The following BOC variants were observed in gnomAD, a reference collection of about 807,000 sequenced individuals.
The protein encoded by BOC is BOC cell adhesion associated, oncogene regulated.
BOC carries 76 observed loss-of-function variants against 112.0 expected under a neutral mutation model. The ratio of observed to expected loss-of-function variants is 0.68; its 90% CI spans 0.56 to 0.82. The LOEUF (loss-of-function observed/expected upper bound fraction) is 0.82. Among genes scored for constraint, BOC ranks in the 40% least tolerant of loss-of-function variants. The probability of loss-of-function intolerance (pLI) is 0.00; values close to 1 mark genes in which losing one functional copy is unlikely to be tolerated. For missense variants in BOC, 1,309 were observed against 1,511.7 expected (o/e 0.87, Z 2.22); for synonymous variants, 580 against 599.8 (o/e 0.97, Z 0.48).
At position 113,285,393 on chromosome 3, in the gene BOC, C is replaced by T. The variant is rs34600669; in HGVS notation, c.2988C>T (p.Asp996=). 0.038 allele frequency: 61,486 copies of T among 1,613,148 alleles called. 1,586 individuals carry two copies. The highest frequency in any genetic ancestry group is 0.1 in the East Asian group (4,682 of 44,876). Residue 996 remains aspartate, a synonymous_variant, in exon 19 of 20, where the codon GAC becomes GAT. Transcript: ENST00000682979. ...GCAGGGGTCCCAAGTCTAGCCCGGA[C>T]GAGGGCTCTTTCTTATACACACTGC... ...QITRGPKSSP[D]EGSFLYTLPD...
intron 2 of BOC, among the ~76,000 whole-genome samples, chr3:113,222,256 G>A (rs1940828240): frequency 6.6e-6 from 1 of 152,166 alleles, no homozygotes; most frequent in Non-Finnish European, 1.5e-5. Context: ...GCCTAAAATA[G>A]AACCGGGTTG....
Position 113,278,202 on chromosome 3 carries a change from G to T in BOC, c.1650G>T (p.Met550Ile). 1 of 1,614,192 alleles carries T rather than the reference G, an allele frequency of 6.2e-7. No individual in the cohort carries two copies. The highest frequency in any genetic ancestry group is 8.5e-7 in the Non-Finnish European group (1 of 1,180,044). The change falls in exon 10 of 20, where the codon ATG becomes ATT. Residue 550 changes from methionine (M) to isoleucine (I), a missense_variant. Met to Ile is a conservative substitution (Grantham distance 10). Transcript: ENST00000682979. The surrounding 1 kb of genome is among the most constrained non-coding windows in gnomAD (Gnocchi z 4.2). ...CCGGGAGCTTGTATGAAGTGGAGAT[G>T]GCAGCTTACAACTGTGCGGGAGAGG... is the stretch of plus-strand genomic sequence containing the variant. ...LDPGSLYEVE[M>I]AAYNCAGEGQ...
intron 4 of BOC, among the ~76,000 whole-genome samples, chr3:113,253,675 C>T (rs2107450296): frequency 6.6e-6 from 1 of 152,278 alleles, no homozygotes; most frequent in Admixed American, 6.5e-5. Context: ...CCAATGTCCC[C>T]TCATGCCCCT....
At position 113,274,742 on chromosome 3, in the gene BOC, A is replaced by G. The variant is rs1230070597; in HGVS notation, c.1542+60A>G. 1.4e-5 allele frequency: 21 copies of G among 1,502,332 alleles called. No homozygotes were observed. Among genetic ancestry groups the G allele is most frequent in the Non-Finnish European group, 1.8e-5 (20 of 1,113,472 alleles). The allele number at this position is 1,502,332 out of a possible 1,614,324, so 93.1% of individuals were successfully genotyped here. A position where few individuals can be genotyped will look rare whatever the true frequency, so the allele number is the denominator to read the frequency against. On this transcript the variant is annotated intron_variant, in intron 9 of 19. Transcript: ENST00000682979. This position sits in a 1 kb window ranked among gnomAD's most constrained non-coding sequence, Gnocchi z 4.8. ...CACAGCCTTTCCAGCAAGGCTGAGC[A>G]GAGTCACTGTCTCTTGGCCATCTCC...
chr3:113,228,739 G>A (rs1012054278), intron 2 of BOC, among the ~76,000 whole-genome samples: 7 of 152,134 alleles, frequency 4.6e-5, no homozygotes, highest in African/African-American at 1.2e-4. Flanking sequence ...GGTGGGGTAT[G>A]TAGTTAAAGG....
intron 15 of BOC, among the ~76,000 whole-genome samples, chr3:113,281,497 G>A (rs1372589712): frequency 2.0e-5 from 3 of 152,222 alleles, no homozygotes; most frequent in East Asian, 1.9e-4. Context: ...AATCCCATGA[G>A]ATGGGAAAGG....
chr3:113,255,930 G>T, intron 4 of BOC, among the ~76,000 whole-genome samples: 1 of 152,322 alleles, frequency 6.6e-6, no homozygotes, highest in Non-Finnish European at 1.5e-5. Flanking sequence ...TAAATTCTGG[G>T]TTTAAGCCTT....
chr3:113,236,335 T>C (rs1943561296), intron 2 of BOC, among the ~76,000 whole-genome samples: 1 of 130,848 alleles, frequency 7.6e-6, no homozygotes, highest in African/African-American at 2.9e-5. Context: ...TGCTCAGTCA[T>C]AAAAAAGAAT....
intron 13 of BOC, 128 bp downstream of exon 13, chr3:113,280,133 C>T (rs1949056021): frequency 3.9e-6 from 4 of 1,017,230 alleles, no homozygotes; most frequent in Non-Finnish European, 5.6e-6. Context: ...TTGGGAGGCT[C>T]TTAGTGGCTG....
intron 13 of BOC, 121 bp downstream of exon 13, chr3:113,280,126 G>C (rs1949054938): frequency 2.7e-6 from 3 of 1,108,674 alleles, no homozygotes; most frequent in Non-Finnish European, 3.7e-6. Context: ...GTGGAATTTG[G>C]GAGGCTCTTA....
intron 13 of BOC, 77 bp from the exon 14 acceptor site, chr3:113,280,481 C>T (rs1191267347): frequency 5.8e-6 from 6 of 1,033,340 alleles, no homozygotes; most frequent in Non-Finnish European, 9.2e-6. Flanking sequence ...GGGGTAGAAC[C>T]TTCATACACC....
Position 113,284,369 on chromosome 3 carries a change from C to T in BOC, c.2691C>T (p.Ala897=). 1 of 1,614,212 alleles carries T rather than the reference C, an allele frequency of 6.2e-7. No individual in the cohort carries two copies. Among genetic ancestry groups the T allele is most frequent in the South Asian group, 1.1e-5 (1 of 91,086 alleles). Residue 897 remains alanine, a synonymous_variant, in exon 17 of 20, where the codon GCC becomes GCT. Coordinates refer to ENST00000682979, the MANE Select transcript of BOC (RefSeq NM_001378074.1). ...CAGACCTGGGTTTTCCTCGAAGTGC[C>T]CTTCCACCCTCCTGCCCGTATACTA... ...HTTDLGFPRS[A]LPPSCPYTMV...
chr3:113,242,379 G>A (rs1198846645), intron 2 of BOC, among the ~76,000 whole-genome samples: 1 of 152,156 alleles, frequency 6.6e-6, no homozygotes. Context: ...AGAGGTATGA[G>A]TGACAAAGAA....
intron 9 of BOC, among the ~76,000 whole-genome samples, chr3:113,276,588 G>A (rs1948697153): frequency 6.6e-6 from 1 of 152,212 alleles, no homozygotes; most frequent in African/African-American, 2.4e-5. Flanking sequence ...GAAATCGAAA[G>A]TCAGCATTCG....
In BOC at chr3:113,278,793, T is replaced by C; in HGVS notation, c.1816+10T>C. The C allele has an allele frequency of 6.4e-7, 1 of 1,552,294 alleles. No homozygotes were observed. The highest frequency in any genetic ancestry group is 2.4e-5 in the East Asian group (1 of 41,090). On this transcript the variant is annotated intron_variant, in intron 11 of 19. Coordinates refer to ENST00000682979, the MANE Select transcript of BOC (RefSeq NM_001378074.1). This position sits in a 1 kb window ranked among gnomAD's most constrained non-coding sequence, Gnocchi z 4.2. ...CACGGCCGCCTCTCCCGTAAGCCGC[T>C]AGCAGCAGGGACGGACGCGCAGTCA...
At chr3:113,235,029 C>T (rs1473679508) in intron 2 of BOC, among the ~76,000 whole-genome samples, 3 of 152,156 alleles carry the variant, frequency 2.0e-5, no homozygotes, top group Admixed American at 6.5e-5. Context: ...ACACACTGGT[C>T]GCTAGTCAAA....
At position 113,283,431 on chromosome 3, in the gene BOC, C is replaced by G. The variant is rs151127560; in HGVS notation, c.2455C>G (p.Pro819Ala). Residue 819 changes from proline (P) to alanine (A), a missense_variant, in exon 16 of 20, where the codon CCT becomes GCT. By Grantham distance (27) the Pro-to-Ala change is conservative. Coordinates refer to ENST00000682979, the MANE Select transcript of BOC (RefSeq NM_001378074.1). Reference protein sequence around the residue: ...ETKARKSSGQPGRLPPPTLAP... With the variant: ...ETKARKSSGQAGRLPPPTLAP... Reference sequence around the variant, plus strand: ...TACAGCTCGGAAGTCTTCTGGCCAGCCTGGTCGACTGCCACCCCCAACTCT... The same window carrying G: ...TACAGCTCGGAAGTCTTCTGGCCAGGCTGGTCGACTGCCACCCCCAACTCT... The G allele has an allele frequency of 5.0e-6, 8 of 1,607,212 alleles. No individual in the cohort carries two copies. The highest frequency in any genetic ancestry group is 6.8e-6 in the Non-Finnish European group (8 of 1,174,448).
rs1001245080 is a variant in BOC at position 113,238,368 on chromosome 3, T to C, written c.-81-11354T>C. 2.6e-5 allele frequency among the ~76,000 whole-genome samples: 4 copies of C among 152,212 alleles called. 1 individual carries two copies. Among genetic ancestry groups the C allele is most frequent in the African/African-American group, 9.6e-5 (4 of 41,462 alleles). Reference sequence around the variant, plus strand: ...TGGGGAGCAATCAGAGTTGTGTCTGTTCACGTATTCTCTTTTTTCTTTAAC... The same window carrying C: ...TGGGGAGCAATCAGAGTTGTGTCTGCTCACGTATTCTCTTTTTTCTTTAAC... On this transcript the variant is annotated intron_variant, in intron 2 of 19. Coordinates refer to ENST00000682979, the MANE Select transcript of BOC (RefSeq NM_001378074.1).
chr3:113,254,360 G>A (rs1300158828), intron 4 of BOC, among the ~76,000 whole-genome samples: 1 of 152,164 alleles, frequency 6.6e-6, no homozygotes, highest in Admixed American at 6.5e-5. Context: ...GGAGTTGGTG[G>A]AGTGGAACTG....
Sources: gnomAD v4.1 joint callset for allele counts (sites outside exome capture counted in the v4.1 genomes callset) on GRCh38, gnomAD v4.1.1 for gene constraint, Gnocchi (gnomAD v3.1) non-coding constraint, MANE v1.5 for transcripts, NCBI Gene and HGNC (gene_info 2026-07-23, HGNC 2026-07-21) for gene names.